The following DLG1 variants were observed in gnomAD, a reference collection of about 807,000 sequenced individuals.
DLG1 encodes the protein discs large MAGUK scaffold protein 1.
DLG1 carries 42 observed loss-of-function variants against 123.4 expected under a neutral mutation model. The ratio of observed to expected loss-of-function variants is 0.34; its 90% confidence interval spans 0.27 to 0.44. DLG1 has a LOEUF of 0.44. Ranked by LOEUF, DLG1 falls within the 20% of genes least tolerant of loss-of-function variation. The pLI, the probability that DLG1 is intolerant of heterozygous loss-of-function variation, is 1.00. For synonymous variants in DLG1, 317 were observed against 356.2 expected (o/e 0.89, Z 1.24); for missense variants, 942 against 1,082.6 (o/e 0.87, Z 1.82).
chr3:197,184,051 G>A (rs767406054), intron 5 of DLG1: 67 of 1,279,160 alleles, frequency 5.2e-5, no homozygotes, highest in South Asian at 6.9e-5. Context: ...CAAAAAAGAC[G>A]ACATAAGGTG....
intron 4 of DLG1, among the ~76,000 whole-genome samples, chr3:197,280,056 C>T (rs147645205): frequency 1.2e-4 from 18 of 152,228 alleles, no homozygotes; most frequent in African/African-American, 4.1e-4. Flanking sequence ...ACGGTAGTCA[C>T]CCTACTGTGC....
chr3:197,158,464 A>C (rs1273379290), intron 5 of DLG1, among the ~76,000 whole-genome samples: 6 of 11,932 alleles, frequency 5.0e-4, no homozygotes, highest in Non-Finnish European at 8.3e-4. Context: ...CTCTACTTAA[A>C]AAAAAAAAAA....
chr3:197,161,496 G>A (rs952753770), intron 5 of DLG1: 4 of 468,392 alleles, frequency 8.5e-6, no homozygotes, highest in Admixed American at 8.9e-5. Context: ...AATCCCAAAT[G>A]TTTAAGTCCC....
At chr3:197,201,257 G>A (rs1026747197) in intron 4 of DLG1, among the ~76,000 whole-genome samples, 24 of 152,158 alleles carry the variant, frequency 1.6e-4, no homozygotes, top group Admixed American at 6.5e-4. Context: ...GGTGGCAGGC[G>A]TCTGTAGTCC....
At chr3:197,157,056 A>G (rs1796717384) in intron 5 of DLG1, among the ~76,000 whole-genome samples, 1 of 152,212 alleles carries the variant, frequency 6.6e-6, no homozygotes, top group African/African-American at 2.4e-5. Flanking sequence ...CACACAGTGA[A>G]CATCATACTC....
intron 4 of DLG1, among the ~76,000 whole-genome samples, chr3:197,215,573 A>G (rs139130687): frequency 1.3e-5 from 2 of 152,304 alleles, no homozygotes. Flanking sequence ...TCATCAGAAG[A>G]TAACATAACG....
intron 4 of DLG1, among the ~76,000 whole-genome samples, chr3:197,273,725 C>T: frequency 6.6e-6 from 1 of 151,222 alleles, no homozygotes. Flanking sequence ...TTGTAAATAA[C>T]AGGCACAACT....
At chr3:197,231,213 A>G (rs925255022) in intron 4 of DLG1, among the ~76,000 whole-genome samples, 2 of 112,560 alleles carry the variant, frequency 1.8e-5, no homozygotes, top group Non-Finnish European at 4.1e-5. Context: ...TACGTGAAGA[A>G]TTAATGCTGT....
At chr3:197,088,283 T>C (rs1217925637) in intron 15 of DLG1, among the ~76,000 whole-genome samples, 1 of 151,526 alleles carries the variant, frequency 6.6e-6, no homozygotes, top group African/African-American at 2.4e-5. Context: ...AAAAAAGGAA[T>C]ACAGAGAAAG....
At chr3:197,143,586 A>C (rs1789175200) in intron 6 of DLG1, among the ~76,000 whole-genome samples, 1 of 152,084 alleles carries the variant, frequency 6.6e-6, no homozygotes, top group South Asian at 2.1e-4. Flanking sequence ...CCCATAACAT[A>C]CTTCCTCTAA....
chr3:197,193,924 A>G (rs1286504168), intron 5 of DLG1, among the ~76,000 whole-genome samples: 1 of 150,894 alleles, frequency 6.6e-6, no homozygotes, highest in Non-Finnish European at 1.5e-5. Context: ...GGCTCAAGTG[A>G]TTCTCCTGTC....
At chr3:197,146,555 C>T (rs1243913727) in intron 6 of DLG1, among the ~76,000 whole-genome samples, 2 of 152,162 alleles carry the variant, frequency 1.3e-5, no homozygotes, top group Non-Finnish European at 2.9e-5. Context: ...GGGGAAAGGA[C>T]ACCCTATTTG....
rs1775089122 is a variant in DLG1 at position 197,119,467 on chromosome 3, G to A, written c.1229C>T (p.Ser410Phe). The change falls in exon 12 of 25, where the codon TCT becomes TTT. Residue 410 changes from serine (S) to phenylalanine (F), a missense_variant. By Grantham distance (155) the Ser-to-Phe change is radical (BLOSUM62 -2). Transcript: ENST00000667157. The part of the protein sequence containing the change: ...PSSFLGQTPA[S>F]PARYSPVSKA... ...AGAAACTGGGGAGTATCTGGCTGGA[G>A]ATGCTGGTGTCTGGCCCAAGAAGGA... is the stretch of plus-strand genomic sequence containing the variant. 1.2e-6 allele frequency: 2 copies of A among 1,611,906 alleles called. No individual in the cohort carries two copies. The highest frequency in any genetic ancestry group is 1.1e-5 in the South Asian group (1 of 91,032).
At chr3:197,134,260 C>T (rs1230298097) in intron 10 of DLG1, among the ~76,000 whole-genome samples, 1 of 151,954 alleles carries the variant, frequency 6.6e-6, no homozygotes, top group East Asian at 1.9e-4. Context: ...CTCCTTGCAA[C>T]AATAAACAGT....
intron 1 of DLG1, chr3:197,297,844 G>A (rs1033584841): frequency 7.1e-6 from 7 of 985,122 alleles, no homozygotes; most frequent in South Asian, 9.4e-5. Context: ...GGTGCGCCCC[G>A]GCCAGACTCG....
intron 3 of DLG1, among the ~76,000 whole-genome samples, chr3:197,293,608 G>C (rs1253299132): frequency 7.4e-6 from 1 of 135,196 alleles, no homozygotes; most frequent in Non-Finnish European, 1.6e-5. Context: ...ACTACAGGGG[G>C]GGACACCAAA....
chr3:197,120,029 G>A (rs1775435590), intron 11 of DLG1, among the ~76,000 whole-genome samples: 1 of 152,150 alleles, frequency 6.6e-6, no homozygotes, highest in Non-Finnish European at 1.5e-5. Context: ...GGAGGCCAAG[G>A]CAGGCGGATC....
chr3:197,082,881 C>T (rs976135353), intron 16 of DLG1, among the ~76,000 whole-genome samples: 5 of 152,058 alleles, frequency 3.3e-5, no homozygotes, highest in African/African-American at 7.2e-5. Flanking sequence ...AAAAAAAAAT[C>T]TCTCCAGTGA....
rs1727753943 is a variant in DLG1, at chr3:197,051,557, T to G, written c.2575+20A>C. The G allele has an allele frequency of 6.3e-7, 1 of 1,598,310 alleles. No homozygotes were observed. Among genetic ancestry groups the G allele is most frequent in the Non-Finnish European group, 8.6e-7 (1 of 1,166,856 alleles). On this transcript the variant is annotated intron_variant, in intron 24 of 24. Transcript: ENST00000667157. ...AGCAAAATTCTATCTTAAAGAGGAC[T>G]GTTACAACACGGTTCCAACCTGTGA...
Sources: allele counts gnomAD v4.1 joint callset (sites outside exome capture counted in the v4.1 genomes callset), GRCh38; gene constraint gnomAD v4.1.1; transcripts MANE v1.5; gene names NCBI Gene and HGNC (gene_info 2026-07-23, HGNC 2026-07-21).